The following INPP5F variants were observed in gnomAD, a reference collection of about 807,000 sequenced individuals.
The protein encoded by INPP5F is inositol polyphosphate-5-phosphatase F, also known as phosphatidylinositide 4-phosphatase SAC2.
In INPP5F, 97 loss-of-function variants were observed where a neutral mutation model predicts 137.2. That is an observed-to-expected ratio of 0.71 (90% CI 0.60 to 0.84). The LOEUF is 0.84. Ranked by LOEUF, INPP5F falls within the 40% of genes least tolerant of loss-of-function variation. The pLI is 0.00. For missense variants in INPP5F, 1,271 were observed against 1,371.9 expected (o/e 0.93, Z 1.16); for synonymous variants, 504 against 476.9 (o/e 1.06, Z -0.74).
rs1318300759 is a variant in INPP5F, at chr10:119,826,615, C to A, written c.2250-16C>A. 6.5e-7 allele frequency: 1 copy of A among 1,541,658 alleles called. No homozygotes were observed. The highest frequency in any genetic ancestry group is 1.4e-5 in the African/African-American group (1 of 71,728). ...ATTCCATGGGGAATTAACTTTTTTT[C>A]TCTTCTAATTTGTAGGAAGAGCAGT... On this transcript the variant is annotated splice_polypyrimidine_tract_variant and intron_variant, in intron 19 of 19. Transcript: ENST00000650623.
chr10:119,795,562 C>T (rs1244143112), intron 6 of INPP5F, among the ~76,000 whole-genome samples: 2 of 151,208 alleles, frequency 1.3e-5, no homozygotes, highest in Non-Finnish European at 1.5e-5. Flanking sequence ...GATGGGATGG[C>T]GGCCGGGCAG....
In INPP5F at chr10:119,826,848, A is replaced by C. The variant is rs565242543; in HGVS notation, c.2467A>C (p.Asn823His). Residue 823 changes from asparagine (N) to histidine (H), a missense_variant, in exon 20 of 20, where the codon AAT becomes CAT. Around this residue, in one of 6 missense-constraint regions of INPP5F, gnomAD observed 490 missense variants for 443.7 expected, o/e 1.10. Coordinates refer to ENST00000650623, the MANE Select transcript of INPP5F (RefSeq NM_014937.4). ...CTTTCTAAAACCAAACTTAAAAGTAAATCTTTGGAAATCAGATAGTAGTCT... is the reference window on the plus strand; with the variant it reads ...CTTTCTAAAACCAAACTTAAAAGTACATCTTTGGAAATCAGATAGTAGTCT... ...VNFLKPNLKV[N>H]LWKSDSSLET... 6.2e-7 allele frequency: 1 copy of C among 1,613,860 alleles called. No homozygotes were observed. The highest frequency in any genetic ancestry group is 1.1e-5 in the South Asian group (1 of 90,988).
intron 2 of INPP5F, among the ~76,000 whole-genome samples, chr10:119,759,855 A>G (rs985832109): frequency 6.6e-6 from 1 of 152,020 alleles, no homozygotes; most frequent in Admixed American, 6.6e-5. Flanking sequence ...TTCTCTCCTC[A>G]GGTACCTAGA....
chr10:119,797,667 A>C lies in INPP5F; in HGVS notation c.1048+27A>C, dbSNP rs773364070. The C allele has an allele frequency of 2.6e-6, 4 of 1,547,064 alleles. No homozygotes were observed. In the South Asian group the frequency reaches 3.7e-5, roughly 14 times the overall value. On this transcript the variant is annotated intron_variant, in intron 8 of 19. Transcript: ENST00000650623. The stretch of plus-strand genomic sequence containing the variant: ...TAAGCAGGTCAATTATTGGGTTTGC[A>C]AATGATGATTTCAGAGAGAATAGTT...
chr10:119,760,465 TAAGAA>T (rs1451389913), intron 2 of INPP5F, among the ~76,000 whole-genome samples: 1 of 152,086 alleles, frequency 6.6e-6, no homozygotes. Context: ...AGAATAAAAA[TAAGAA>T]AAGGAGGATT....
intron 3 of INPP5F, among the ~76,000 whole-genome samples, chr10:119,785,644 A>T (rs1447584059): frequency 1.3e-5 from 2 of 150,732 alleles, no homozygotes; most frequent in Non-Finnish European, 2.9e-5. Flanking sequence ...GGATTGCTTA[A>T]GGCCAGGAGT....
intron 1 of INPP5F, among the ~76,000 whole-genome samples, chr10:119,735,967 T>A (rs1848204466): frequency 6.6e-6 from 1 of 152,192 alleles, no homozygotes; most frequent in South Asian, 2.1e-4. Context: ...CTGTCTCTAC[T>A]GAAAATACAA....
intron 2 of INPP5F, among the ~76,000 whole-genome samples, chr10:119,752,080 A>G (rs1848704453): frequency 6.6e-6 from 1 of 152,362 alleles, no homozygotes; most frequent in Non-Finnish European, 1.5e-5. Context: ...TTTAAAAATA[A>G]TATTAAGCAT....
At position 119,739,053 on chromosome 10, in the gene INPP5F, C is replaced by T. The variant is rs901516877; in HGVS notation, c.98-12023C>T. On this transcript the variant is annotated intron_variant, in intron 1 of 19. Transcript: ENST00000650623. ...AAAAAAAATGAGGTGGGCATCATGG[C>T]GTGTGCCTGTATTCCCAGCTACTTG... 5.4e-4 allele frequency among the ~76,000 whole-genome samples: 82 copies of T among 150,954 alleles called. 1 individual carries two copies. Among genetic ancestry groups the T allele is most frequent in the African/African-American group, 2.0e-3 (82 of 41,148 alleles).
intron 15 of INPP5F, chr10:119,815,093 C>T (rs953774018): frequency 6.6e-6 from 1 of 152,652 alleles, no homozygotes; most frequent in Non-Finnish European, 1.5e-5. Context: ...TCTCGATCTC[C>T]TGACCTCGTG....
chr10:119,750,424 C>T (rs758160104), intron 1 of INPP5F, among the ~76,000 whole-genome samples: 1 of 152,210 alleles, frequency 6.6e-6, no homozygotes, highest in African/African-American at 2.4e-5. Flanking sequence ...TTGCTTCTCT[C>T]TTGTGTGTCT....
chr10:119,732,018 A>C (rs1270396907), intron 1 of INPP5F, among the ~76,000 whole-genome samples: 1 of 148,706 alleles, frequency 6.7e-6, no homozygotes, highest in Non-Finnish European at 1.5e-5. Flanking sequence ...TTTTGGCTTA[A>C]ATAAAAGAAG....
chr10:119,804,864 C>T (rs1436460070), intron 10 of INPP5F, among the ~76,000 whole-genome samples: 1 of 151,934 alleles, frequency 6.6e-6, no homozygotes, highest in African/African-American at 2.4e-5. Context: ...GTAGCTGGGA[C>T]TACGGCACGC....
chr10:119,808,306 C>T (rs1850881924), intron 13 of INPP5F, among the ~76,000 whole-genome samples: 1 of 152,174 alleles, frequency 6.6e-6, no homozygotes, highest in African/African-American at 2.4e-5. Context: ...CCTATGTTGC[C>T]AGACCCTCCA....
chr10:119,767,521 TATGGAACAA>T (rs1368157022), intron 2 of INPP5F, among the ~76,000 whole-genome samples: 1 of 152,176 alleles, frequency 6.6e-6, no homozygotes, highest in African/African-American at 2.4e-5. Flanking sequence ...AAAAGGTATG[TATGGAACAA>T]ATGGGACAAA....
At chr10:119,815,941 A>C (rs992148749) in intron 15 of INPP5F, 1 of 152,610 alleles carries the variant, frequency 6.6e-6, no homozygotes, top group African/African-American at 2.4e-5. Context: ...CCCCGTGGTT[A>C]ACGTTTTGCT....
chr10:119,746,286 C>T (rs1333333864), intron 1 of INPP5F, among the ~76,000 whole-genome samples: 2 of 152,206 alleles, frequency 1.3e-5, no homozygotes, highest in Non-Finnish European at 2.9e-5. Context: ...ACTTCTTCTA[C>T]ATGACTCTCC....
intron 1 of INPP5F, among the ~76,000 whole-genome samples, chr10:119,744,060 A>G (rs986825158): frequency 6.6e-6 from 1 of 152,252 alleles, no homozygotes; most frequent in Non-Finnish European, 1.5e-5. Context: ...AGGCTGTACC[A>G]GAAACAAAAG....
intron 1 of INPP5F, among the ~76,000 whole-genome samples, chr10:119,731,980 A>G (rs1259443659): frequency 6.6e-6 from 1 of 150,440 alleles, no homozygotes; most frequent in Non-Finnish European, 1.5e-5. Flanking sequence ...GAAAAGACTT[A>G]TCTTTACAAA....
Sources: allele counts gnomAD v4.1 joint callset (sites outside exome capture counted in the v4.1 genomes callset), GRCh38; gene constraint gnomAD v4.1.1; regional missense constraint gnomAD v4.1.1; transcripts MANE v1.5; gene names NCBI Gene and HGNC (gene_info 2026-07-23, HGNC 2026-07-21).